SLC16A7: variants seen among roughly 807,000 people sequenced by gnomAD.
SLC16A7 encodes the protein monocarboxylate transporter 2.
In SLC16A7, 33 loss-of-function variants were observed where a neutral mutation model predicts 34.9. The observed-to-expected ratio is 0.94, with a 90% CI of 0.72 to 1.26. The LOEUF (loss-of-function observed/expected upper bound fraction) is 1.26, where lower values mean the gene tolerates loss of function less well. Ranked by LOEUF, SLC16A7 falls within the 50% of genes most tolerant of loss-of-function variation. The pLI is 0.00. For synonymous variants in SLC16A7, 201 were observed against 206.6 expected (o/e 0.97, Z 0.23); for missense variants, 573 against 578.1 (o/e 0.99, Z 0.09).
intron 2 of SLC16A7, among the ~76,000 whole-genome samples, chr12:59,684,856 G>A (rs748653586): frequency 1.3e-5 from 2 of 152,092 alleles, no homozygotes; most frequent in African/African-American, 2.4e-5. Context: ...ACCTGGAAGA[G>A]GCCAGCCTAC....
intron 2 of SLC16A7, among the ~76,000 whole-genome samples, chr12:59,694,808 A>G (rs1403480640): frequency 6.6e-6 from 1 of 152,022 alleles, no homozygotes; most frequent in Non-Finnish European, 1.5e-5. Flanking sequence ...TTGTATAAAT[A>G]TATCTGCATA....
intron 3 of SLC16A7, chr12:59,736,110 A>G: frequency 5.3e-6 from 1 of 188,236 alleles, no homozygotes; most frequent in South Asian, 9.7e-5. Context: ...AATAAAAGGT[A>G]TCAGAGGTTG....
chr12:59,774,053 ACCT>A (rs1882493512), intron 4 of SLC16A7, among the ~76,000 whole-genome samples: 1 of 152,024 alleles, frequency 6.6e-6, no homozygotes, highest in Non-Finnish European at 1.5e-5. Context: ...TCAAGCAAAA[ACCT>A]CCTTTTTACT....
At chr12:59,697,101 T>C (rs772755735) in intron 2 of SLC16A7, among the ~76,000 whole-genome samples, 2 of 151,956 alleles carry the variant, frequency 1.3e-5, no homozygotes, top group Non-Finnish European at 2.9e-5. Context: ...TTCACTTTTA[T>C]AACAAAGCAG....
At chr12:59,657,443 T>G (rs1436567659) in intron 2 of SLC16A7, among the ~76,000 whole-genome samples, 2 of 152,006 alleles carry the variant, frequency 1.3e-5, no homozygotes, top group Non-Finnish European at 2.9e-5. Context: ...TGTGAATATC[T>G]TGGTAGTAGG....
chr12:59,748,252 A>C (rs1422669298), intron 3 of SLC16A7, among the ~76,000 whole-genome samples: 4 of 152,214 alleles, frequency 2.6e-5, no homozygotes, highest in Non-Finnish European at 5.9e-5. Context: ...TATGCACAGG[A>C]ACCCTTACAG....
In SLC16A7 at chr12:59,774,845, C is replaced by T; in HGVS notation, c.550C>T (p.Leu184=). The part of the protein sequence containing the change: ...WKGSFLILGS[L]LLNACVAGSL... ...AGGAAGCTTCCTGATTTTGGGAAGT[C>T]TACTTTTGAATGCCTGTGTGGCTGG... The change falls in exon 5 of 6, where the codon CTA becomes TTA. Residue 184 remains leucine (L), a synonymous_variant. Transcript: ENST00000547379. 1 of 1,613,862 alleles carries T rather than the reference C, an allele frequency of 6.2e-7. No individual in the cohort carries two copies. The highest frequency in any genetic ancestry group is 8.5e-7 in the Non-Finnish European group (1 of 1,179,954).
rs1255906199 is a variant in SLC16A7 at position 59,783,549 on chromosome 12, A to G, written c.*3870A>G. 1 of 152,220 alleles carries G rather than the reference A, an allele frequency of 6.6e-6. No homozygotes were observed. The highest frequency in any genetic ancestry group is 1.9e-4 in the East Asian group (1 of 5,202). The allele number at this position is 152,220 out of a possible 1,614,324, so 9.4% of individuals were successfully genotyped here. A position where few individuals can be genotyped will look rare whatever the true frequency, so the allele number is the denominator to read the frequency against. ...GGTACAAAAAAGATACATCCTATAT[A>G]GTAAAACAATTAGGTTTAACTGTAA... On this transcript the variant is annotated 3_prime_UTR_variant, in exon 6 of 6. Transcript: ENST00000547379.
rs1329909341 is a variant in SLC16A7 at position 59,780,658 on chromosome 12, T to TGAAATATCAAA, written c.*980_*981insAAATATCAAAG. On this transcript the variant is annotated 3_prime_UTR_variant, in exon 6 of 6. Coordinates refer to ENST00000547379, the MANE Select transcript of SLC16A7 (RefSeq NM_001270623.2). ...TAATCAGGCATCAATCCAGATTCAC[T>TGAAATATCAAA]GTTATACTGAAATATCAAAGTAAAA... 6.6e-6 allele frequency: 1 copy of TGAAATATCAAA among 152,162 alleles called. No homozygotes were observed. The highest frequency in any genetic ancestry group is 2.4e-5 in the African/African-American group (1 of 41,446). 9.4% of individuals were successfully genotyped at this position (152,162 alleles called of 1,614,324 possible).
chr12:59,713,922 T>C (rs1874560277), intron 3 of SLC16A7, among the ~76,000 whole-genome samples: 1 of 152,256 alleles, frequency 6.6e-6, no homozygotes, highest in South Asian at 2.1e-4. Flanking sequence ...CAGGCTATGC[T>C]TTCAGAATAT....
At chr12:59,634,939 G>T (rs1163574102) in intron 1 of SLC16A7, among the ~76,000 whole-genome samples, 1 of 152,032 alleles carries the variant, frequency 6.6e-6, no homozygotes, top group East Asian at 1.9e-4. Context: ...TTTCTTGCCT[G>T]TTATGGTTTC....
intron 3 of SLC16A7, among the ~76,000 whole-genome samples, chr12:59,746,896 G>A (rs1020331146): frequency 1.3e-5 from 2 of 152,102 alleles, no homozygotes; most frequent in African/African-American, 4.8e-5. Context: ...GTGTAGTGAC[G>A]ATCATAGCTT....
chr12:59,712,524 T>C (rs987632795), intron 3 of SLC16A7, among the ~76,000 whole-genome samples: 7 of 152,162 alleles, frequency 4.6e-5, no homozygotes, highest in African/African-American at 1.7e-4. Flanking sequence ...ATATACTTTC[T>C]CAGAGTTTAT....
At chr12:59,704,566 T>A (rs370382167) in intron 2 of SLC16A7, among the ~76,000 whole-genome samples, 3 of 152,194 alleles carry the variant, frequency 2.0e-5, no homozygotes, top group East Asian at 1.9e-4. Flanking sequence ...TATTTAAATA[T>A]TTAGCCCACA....
intron 3 of SLC16A7, among the ~76,000 whole-genome samples, chr12:59,724,773 A>T (rs1390514442): frequency 2.6e-5 from 4 of 152,010 alleles, no homozygotes; most frequent in Non-Finnish European, 5.9e-5. Flanking sequence ...ATTTAAAGAA[A>T]TGGAGGGTTT....
At chr12:59,766,252 G>T (rs1316051916) in intron 3 of SLC16A7, among the ~76,000 whole-genome samples, 1 of 152,122 alleles carries the variant, frequency 6.6e-6, no homozygotes, top group Non-Finnish European at 1.5e-5. Context: ...GGGTTTTCTA[G>T]ATATACAATC....
intron 2 of SLC16A7, among the ~76,000 whole-genome samples, chr12:59,660,767 T>G (rs111226295): frequency 0.016 from 2,358 of 152,014 alleles, 74 homozygotes; most frequent in African/African-American, 0.051. Context: ...ACAACAAAAG[T>G]TTACCTTAAG....
intron 1 of SLC16A7, among the ~76,000 whole-genome samples, chr12:59,635,952 T>G (rs1880401656): frequency 6.6e-6 from 1 of 151,400 alleles, no homozygotes; most frequent in Non-Finnish European, 1.5e-5. Context: ...TTAGTACATA[T>G]TTAAATATTT....
chr12:59,752,678 T>C (rs1314986820), intron 3 of SLC16A7, among the ~76,000 whole-genome samples: 1 of 152,260 alleles, frequency 6.6e-6, no homozygotes, highest in South Asian at 2.1e-4. Flanking sequence ...TGGAAAACAC[T>C]CTGCAGGATA....
Sources: gnomAD v4.1 joint callset for allele counts (sites outside exome capture counted in the v4.1 genomes callset) on GRCh38, gnomAD v4.1.1 for gene constraint, MANE v1.5 for transcripts, NCBI Gene and HGNC (gene_info 2026-07-23, HGNC 2026-07-21) for gene names.